BPIFB3: variants seen among roughly 807,000 people sequenced by gnomAD.
BPIFB3 encodes the protein BPI fold-containing family B member 3.
BPIFB3 carries 49 observed loss-of-function variants against 53.1 expected under a neutral mutation model. The observed-to-expected ratio is 0.92, with a 90% CI of 0.73 to 1.17. The LOEUF is 1.17. Ranked by LOEUF, BPIFB3 falls within the 50% of genes most tolerant of loss-of-function variation. The pLI is 0.00. For synonymous variants in BPIFB3, 271 were observed against 269.6 expected, an observed-to-expected ratio of 1.01 and a Z score of -0.05; for missense variants, 628 against 592.5, an observed-to-expected ratio of 1.06 and a Z score of -0.62.
intron 4 of BPIFB3, among the ~76,000 whole-genome samples, chr20:33,061,477 G>A (rs1235608410): frequency 6.6e-6 from 1 of 152,188 alleles, no homozygotes; most frequent in Non-Finnish European, 1.5e-5. Flanking sequence ...AAAGGAGACA[G>A]ACATTTGTCA....
At chr20:33,064,312 T>A in intron 6 of BPIFB3, 145 bp from the exon 8 acceptor site, 1 of 689,868 alleles carries the variant, frequency 1.4e-6, no homozygotes, top group East Asian at 2.7e-5. Context: ...TTTCCACATC[T>A]GTAAAATGGG....
At chr20:33,061,887 C>G (rs1002585895) in intron 5 of BPIFB3, 56 bp downstream of exon 6, 11 of 1,595,824 alleles carry the variant, frequency 6.9e-6, no homozygotes, top group Middle Eastern at 1.7e-4. Flanking sequence ...GCCTCTTTCC[C>G]CCTCTGGTTT....
chr20:33,061,082 T>C (rs908469630), intron 4 of BPIFB3, among the ~76,000 whole-genome samples: 2 of 152,180 alleles, frequency 1.3e-5, no homozygotes, highest in African/African-American at 4.8e-5. Flanking sequence ...TGCTCCATCT[T>C]TGTTGGGTAA....
chr20:33,055,731 G>A (rs567463622), intron 1 of BPIFB3, among the ~76,000 whole-genome samples, 184 bp downstream of exon 2: 4 of 152,320 alleles, frequency 2.6e-5, no homozygotes, highest in Admixed American at 2.0e-4. Context: ...TTGAATGGGC[G>A]ATGAATTCCC....
upstream of BPIFB3, among the ~76,000 whole-genome samples, chr20:33,054,226 G>T (rs1422268164): frequency 6.6e-6 from 1 of 151,930 alleles, no homozygotes; most frequent in African/African-American, 2.4e-5. Flanking sequence ...AGAGTTCCAG[G>T]AGTGCCCATT....
chr20:33,058,003 T>C lies in BPIFB3; in HGVS notation c.281+1305T>C, dbSNP rs372407894. On this transcript the variant is annotated intron_variant, in intron 2 of 14. Transcript: ENST00000375494. ...GAACTGCATTTAACAGGTGAGGAGA[T>C]AGAGGCTCCTGGCAGTGAAGTGACC... 2.6e-5 allele frequency among the ~76,000 whole-genome samples: 4 copies of C among 152,194 alleles called. No homozygotes were observed. In the South Asian group the frequency reaches 6.2e-4, roughly 24 times the overall value.
chr20:33,067,078 G>T (rs937461865), intron 9 of BPIFB3, among the ~76,000 whole-genome samples: 1 of 152,218 alleles, frequency 6.6e-6, no homozygotes, highest in African/African-American at 2.4e-5. Flanking sequence ...ATTAGGGCTT[G>T]ACTGCCCCAG....
At chr20:33,061,352 A>T (rs1980445646) in intron 4 of BPIFB3, among the ~76,000 whole-genome samples, 1 of 151,952 alleles carries the variant, frequency 6.6e-6, no homozygotes, top group African/African-American at 2.4e-5. Flanking sequence ...TCATTCATTC[A>T]TTCATTCATT....
At chr20:33,056,767 T>C (rs994849123) in intron 2 of BPIFB3, 69 bp downstream of exon 3, 2 of 1,491,712 alleles carry the variant, frequency 1.3e-6, no homozygotes, top group African/African-American at 2.8e-5. Context: ...GGAGAGATTG[T>C]CTCTTTGTAA....
At chr20:33,069,771 T>C (rs1484036463) in intron 10 of BPIFB3, 117 bp from the exon 12 acceptor site, 44 of 1,025,872 alleles carry the variant, frequency 4.3e-5, no homozygotes, top group Non-Finnish European at 6.0e-5. Flanking sequence ...GCACAGACCC[T>C]GACACACAGT....
chr20:33,070,652 C>T (rs538398632), intron 11 of BPIFB3, among the ~76,000 whole-genome samples: 40 of 152,330 alleles, frequency 2.6e-4, no homozygotes, highest in African/African-American at 6.7e-4. Context: ...TGACGTCCTA[C>T]GCCACAGGCA....
At chr20:33,063,500 C>G in intron 5 of BPIFB3, 115 bp from the exon 7 acceptor site, 2 of 1,143,202 alleles carry the variant, frequency 1.7e-6, no homozygotes, top group Non-Finnish European at 2.6e-6. Flanking sequence ...CTGCCTTCCG[C>G]CTTGCCTTGG....
intron 8 of BPIFB3, among the ~76,000 whole-genome samples, chr20:33,066,105 C>G (rs1290029684): frequency 6.6e-6 from 1 of 152,134 alleles, no homozygotes; most frequent in African/African-American, 2.4e-5. Context: ...CCTGTGTGAA[C>G]AGGGCTGTTC....
intron 2 of BPIFB3, among the ~76,000 whole-genome samples, chr20:33,059,006 T>C (rs918989175): frequency 1.3e-5 from 2 of 152,202 alleles, no homozygotes; most frequent in East Asian, 1.9e-4. Flanking sequence ...TGCAGGGGTA[T>C]AGCAGGGCGC....
downstream of BPIFB3, chr20:33,073,732 C>A: frequency 8.8e-7 from 1 of 1,131,322 alleles, no homozygotes; most frequent in Non-Finnish European, 1.3e-6. Flanking sequence ...CCCTGAAGCA[C>A]TACTCCAAGT....
intron 8 of BPIFB3, 40 bp downstream of exon 9, chr20:33,064,885 G>A (rs1428841598): frequency 1.9e-6 from 3 of 1,586,354 alleles, no homozygotes; most frequent in African/African-American, 1.3e-5. Flanking sequence ...GGGGCTCCTT[G>A]CCCTGCTGTG....
rs1980778184 is a variant in BPIFB3, at chr20:33,068,991, G to A, written c.1149+18G>A. 3 of 1,605,530 alleles carry A rather than the reference G, an allele frequency of 1.9e-6. No homozygotes were observed. The highest frequency in any genetic ancestry group is 4.5e-5 in the East Asian group (2 of 44,644). ...TGAACTCCGTGAGTGGTCAAGGGGT[G>A]GCTGGGGGCCCGGCATTGGGGTTCC... is the stretch of plus-strand genomic sequence containing the variant. On this transcript the variant is annotated intron_variant, in intron 10 of 14. Transcript: ENST00000375494.
upstream of BPIFB3, among the ~76,000 whole-genome samples, chr20:33,053,960 G>A (rs1198958639): frequency 6.6e-6 from 1 of 152,200 alleles, no homozygotes; most frequent in African/African-American, 2.4e-5. Context: ...AGCTGCAGGA[G>A]CAAGGGTAAG....
intron 2 of BPIFB3, among the ~76,000 whole-genome samples, chr20:33,057,321 T>C (rs987538470): frequency 6.6e-5 from 10 of 152,148 alleles, no homozygotes; most frequent in Non-Finnish European, 1.2e-4. Context: ...CCCGAGTAGC[T>C]GGGATTACAG....
Sources: allele counts gnomAD v4.1 joint callset (sites outside exome capture counted in the v4.1 genomes callset), GRCh38; gene constraint gnomAD v4.1.1; transcripts MANE v1.5; gene names NCBI Gene and HGNC (gene_info 2026-07-23, HGNC 2026-07-21).